DCAF4: variants seen among roughly 807,000 people sequenced by gnomAD.
DCAF4 encodes DDB1- and CUL4-associated factor 4.
In DCAF4, 37 loss-of-function variants were observed where a neutral mutation model predicts 60.9. The ratio of observed to expected loss-of-function variants is 0.61; its 90% confidence interval spans 0.47 to 0.80. The LOEUF is 0.80. DCAF4 is among the 30% of genes least tolerant of loss of function. The probability of loss-of-function intolerance (pLI) is 0.00; values close to 1 mark genes in which losing one functional copy is unlikely to be tolerated. For synonymous variants in DCAF4, 243 were observed against 254.8 expected, an observed-to-expected ratio of 0.95 and a Z score of 0.44; for missense variants, 577 against 650.0, an observed-to-expected ratio of 0.89 and a Z score of 1.22.
At chr14:72,946,785 T>TTGC (rs1013130744) in intron 7 of DCAF4, among the ~76,000 whole-genome samples, 2 of 152,224 alleles carry the variant, frequency 1.3e-5, no homozygotes, top group African/African-American at 4.8e-5. Flanking sequence ...AAGCTGTGAC[T>TTGC]TGCTATTCAG....
intron 1 of DCAF4, among the ~76,000 whole-genome samples, chr14:72,930,154 G>A (rs1041940617): frequency 2.0e-5 from 3 of 152,244 alleles, no homozygotes; most frequent in African/African-American, 7.2e-5. Flanking sequence ...AAATAAAGTG[G>A]TATCTCACTG....
chr14:72,952,344 C>T (rs903460567), intron 9 of DCAF4, among the ~76,000 whole-genome samples: 2 of 152,188 alleles, frequency 1.3e-5, no homozygotes, highest in African/African-American at 4.8e-5. Flanking sequence ...TTCAGGCAGA[C>T]CTGGCACGAA....
intron 1 of DCAF4, chr14:72,929,602 G>T: frequency 9.8e-7 from 1 of 1,019,432 alleles, no homozygotes. Context: ...AAGAGGGCAG[G>T]GGAGGGGGCT....
At chr14:72,947,040 C>T (rs1474151281) in intron 7 of DCAF4, 102 bp from the exon 8 acceptor site, 14 of 1,454,362 alleles carry the variant, frequency 9.6e-6, no homozygotes, top group Admixed American at 3.4e-5. Flanking sequence ...AGGAGCAGGA[C>T]GTGAAGAGAG....
intron 12 of DCAF4, 46 bp from the exon 13 acceptor site, chr14:72,956,340 G>C (rs1448745579): frequency 1.3e-6 from 2 of 1,487,944 alleles, no homozygotes; most frequent in African/African-American, 1.4e-5. Context: ...GACCACCATG[G>C]TACCCCCTGG....
intron 10 of DCAF4, 41 bp downstream of exon 10, chr14:72,954,303 C>T: frequency 6.2e-7 from 1 of 1,611,514 alleles, no homozygotes; most frequent in Non-Finnish European, 8.5e-7. Flanking sequence ...GAGGCCTTAA[C>T]AGGCCTTAAA....
At chr14:72,948,879 A>C (rs2140274799) in intron 8 of DCAF4, among the ~76,000 whole-genome samples, 1 of 152,298 alleles carries the variant, frequency 6.6e-6, no homozygotes, top group South Asian at 2.1e-4. Flanking sequence ...TTGGGCCCTT[A>C]GTTAACCTGT....
intron 9 of DCAF4, among the ~76,000 whole-genome samples, chr14:72,953,781 T>TG (rs1491248838): frequency 1.2e-3 from 23 of 18,930 alleles, no homozygotes; most frequent in Non-Finnish European, 2.3e-3. Context: ...TATTTATTTA[T>TG]TTGTGTGTGT....
intron 1 of DCAF4, among the ~76,000 whole-genome samples, chr14:72,929,079 C>A (rs7145222): frequency 0.81 from 123,583 of 152,216 alleles, 50,824 homozygotes; most frequent in East Asian, 0.97. Context: ...GCGGCACGGA[C>A]GCCCGGGGCT....
At chr14:72,960,420 G>C (rs1892772435), downstream of DCAF4, among the ~76,000 whole-genome samples, 6 of 152,094 alleles carry the variant, frequency 3.9e-5, no homozygotes, top group Admixed American at 3.9e-4. Context: ...AAAGTGCTGG[G>C]ATTATAGGCC....
chr14:72,936,637 G>A (rs1378502560), intron 1 of DCAF4, among the ~76,000 whole-genome samples: 2 of 151,906 alleles, frequency 1.3e-5, no homozygotes, highest in East Asian at 3.9e-4. Context: ...GAGAGGTATA[G>A]ACAGGCAAAA....
At chr14:72,938,632 C>A (rs1007247087) in intron 2 of DCAF4, among the ~76,000 whole-genome samples, 9 of 152,066 alleles carry the variant, frequency 5.9e-5, no homozygotes, top group African/African-American at 2.2e-4. Context: ...CCAATTGCTC[C>A]GAGGCTGCAA....
chr14:72,945,335 A>G (rs1436459163), intron 6 of DCAF4, among the ~76,000 whole-genome samples: 1 of 151,848 alleles, frequency 6.6e-6, no homozygotes. Flanking sequence ...CAGGGTTATC[A>G]TAAGCCATGA....
chr14:72,954,656 T>C (rs1892036273), intron 11 of DCAF4, among the ~76,000 whole-genome samples, 173 bp downstream of exon 11: 1 of 152,170 alleles, frequency 6.6e-6, no homozygotes, highest in Admixed American at 6.5e-5. Context: ...TGAAAGTTGG[T>C]TGATCCAGAA....
At position 72,955,674 on chromosome 14, in the gene DCAF4, T is replaced by C; in HGVS notation, c.1157T>C (p.Met386Thr). 1 of 1,613,998 alleles carries C rather than the reference T, an allele frequency of 6.2e-7. No homozygotes were observed. Among genetic ancestry groups the C allele is most frequent in the Non-Finnish European group, 8.5e-7 (1 of 1,179,928 alleles). ...VRILQDEQYL[M>T]ASDMAGKIKL... is the part of the protein sequence containing the mutation. ...ATCCTCCAAGATGAGCAATACCTGA[T>C]GGCTTCAGACATGGCTGGAAAGGTA... is the stretch of plus-strand genomic sequence containing the variant. The change falls in exon 12 of 14, where the codon ATG becomes ACG. Residue 386 changes from methionine to threonine, a missense_variant. Physicochemically the swap from Met to Thr is moderately conservative, Grantham distance 81. Coordinates refer to ENST00000358377, the MANE Select transcript of DCAF4 (RefSeq NM_015604.4).
At chr14:72,938,224 T>G (rs1372379222) in intron 2 of DCAF4, among the ~76,000 whole-genome samples, 154 bp downstream of exon 2, 2 of 152,176 alleles carry the variant, frequency 1.3e-5, no homozygotes, top group Non-Finnish European at 2.9e-5. Context: ...GAGGAGAGCC[T>G]GCCTTCCTAA....
downstream of DCAF4, chr14:72,959,816 C>T (rs1463113161): frequency 3.3e-6 from 1 of 301,166 alleles, no homozygotes; most frequent in African/African-American, 2.3e-5. Flanking sequence ...AAAGACTCAC[C>T]TCTGGACTAG....
chr14:72,935,677 A>G (rs997009656), intron 1 of DCAF4, among the ~76,000 whole-genome samples: 1 of 152,248 alleles, frequency 6.6e-6, no homozygotes. Context: ...CCAAATTGGC[A>G]TTCGCCAGTG....
intron 4 of DCAF4, 38 bp from the exon 5 acceptor site, chr14:72,941,707 T>C (rs1890070134): frequency 6.3e-7 from 1 of 1,583,866 alleles, no homozygotes; most frequent in Non-Finnish European, 8.7e-7. Context: ...AACAAATAAA[T>C]CTTCATTGAA....
Sources: allele counts gnomAD v4.1 joint callset (sites outside exome capture counted in the v4.1 genomes callset), GRCh38; gene constraint gnomAD v4.1.1; transcripts MANE v1.5; gene names NCBI Gene and HGNC (gene_info 2026-07-23, HGNC 2026-07-21).